TPP2: variants seen among roughly 807,000 people sequenced by gnomAD.
TPP2 encodes tripeptidyl-peptidase 2.
TPP2 carries 34 observed loss-of-function variants against 155.9 expected under a neutral mutation model. That is an observed-to-expected ratio of 0.22 (90% CI 0.17 to 0.29). The LOEUF (loss-of-function observed/expected upper bound fraction) is 0.29, where lower values mean the gene tolerates loss of function less well. TPP2 is among the 10% of genes least tolerant of loss of function. The probability of loss-of-function intolerance (pLI) is 1.00; values close to 1 mark genes in which losing one functional copy is unlikely to be tolerated. For missense variants in TPP2, 1,028 were observed against 1,522.3 expected, an observed-to-expected ratio of 0.68 and a Z score of 5.40; for synonymous variants, 510 against 529.4, an observed-to-expected ratio of 0.96 and a Z score of 0.50.
At chr13:102,669,989 C>T (rs1884864660) in intron 27 of TPP2, among the ~76,000 whole-genome samples, 1 of 152,114 alleles carries the variant, frequency 6.6e-6, no homozygotes, top group Admixed American at 6.6e-5. Flanking sequence ...GAGTCACTAA[C>T]CATATTGATT....
chr13:102,678,368 G>A lies in TPP2; in HGVS notation c.*52G>A, dbSNP rs3806. On this transcript the variant is annotated 3_prime_UTR_variant, in exon 30 of 30. Coordinates refer to ENST00000376052, the MANE Select transcript of TPP2 (RefSeq NM_001330588.2). ...AAAAAGGAAGTTTTATAGTGAATGGGTATAAAAACAAATTTGTGGCATTTT... is the reference window on the plus strand; with the variant it reads ...AAAAAGGAAGTTTTATAGTGAATGGATATAAAAACAAATTTGTGGCATTTT... 0.48 allele frequency: 733,589 copies of A among 1,541,204 alleles called. 176,115 individuals are homozygous for A. Among genetic ancestry groups the A allele is most frequent in the African/African-American group, 0.6 (43,636 of 72,522 alleles).
At chr13:102,647,586 C>G (rs1358580104) in intron 21 of TPP2, among the ~76,000 whole-genome samples, 1 of 152,194 alleles carries the variant, frequency 6.6e-6, no homozygotes, top group Non-Finnish European at 1.5e-5. Context: ...CTTGCCCACA[C>G]TGGCCAGCAT....
chr13:102,650,469 A>C (rs1395537148), intron 23 of TPP2, among the ~76,000 whole-genome samples: 2 of 152,216 alleles, frequency 1.3e-5, no homozygotes. Context: ...GTCTCATTTC[A>C]GTTTATACTG....
At chr13:102,636,146 C>A in intron 12 of TPP2, 78 bp from the exon 13 acceptor site, 1 of 1,402,648 alleles carries the variant, frequency 7.1e-7, no homozygotes, top group Non-Finnish European at 9.6e-7. Flanking sequence ...CAACTGAAAT[C>A]AAATTGATTG....
At chr13:102,636,148 AATTG>A in intron 12 of TPP2, 72 bp from the exon 13 acceptor site, 8 of 1,416,500 alleles carry the variant, frequency 5.6e-6, no homozygotes, top group Admixed American at 2.5e-5. Context: ...ACTGAAATCA[AATTG>A]ATTGGTAATT....
chr13:102,604,388 A>G (rs748797962), intron 1 of TPP2, among the ~76,000 whole-genome samples: 2 of 151,934 alleles, frequency 1.3e-5, no homozygotes, highest in African/African-American at 2.4e-5. Context: ...ACCATCTGAC[A>G]TGTTCTTTTT....
chr13:102,615,641 A>G (rs939849859), intron 3 of TPP2, among the ~76,000 whole-genome samples: 2 of 152,188 alleles, frequency 1.3e-5, no homozygotes, highest in Admixed American at 1.3e-4. Context: ...GATGGAAAAA[A>G]AAATAGGGAG....
At chr13:102,647,475 T>G (rs1883190061) in intron 21 of TPP2, 131 bp downstream of exon 21, 3 of 1,159,046 alleles carry the variant, frequency 2.6e-6, no homozygotes, top group Non-Finnish European at 3.5e-6. Context: ...TTAGTACTTT[T>G]GCAAACTGTG....
chr13:102,609,459 G>A (rs573053280), intron 2 of TPP2, among the ~76,000 whole-genome samples: 24 of 142,914 alleles, frequency 1.7e-4, no homozygotes, highest in Middle Eastern at 4.0e-3. Flanking sequence ...GTGCAATGGC[G>A]CGATCTCAAC....
intron 19 of TPP2, among the ~76,000 whole-genome samples, chr13:102,645,239 A>T (rs1296781135): frequency 1.3e-5 from 2 of 152,210 alleles, no homozygotes; most frequent in Non-Finnish European, 2.9e-5. Context: ...AGTCATGACT[A>T]GTTAGGATCA....
At chr13:102,604,693 T>C (rs1320226614) in intron 1 of TPP2, 100 bp from the exon 2 acceptor site, 3 of 1,326,042 alleles carry the variant, frequency 2.3e-6, no homozygotes, top group Admixed American at 2.8e-5. Flanking sequence ...TAAGTGAATG[T>C]AGATTTTGTA....
At chr13:102,624,748 T>A (rs1881441980) in intron 6 of TPP2, among the ~76,000 whole-genome samples, 1 of 152,172 alleles carries the variant, frequency 6.6e-6, no homozygotes, top group African/African-American at 2.4e-5. Context: ...GATGGACGTT[T>A]AGATTGTTTT....
At chr13:102,659,602 T>C (rs1347132829) in intron 25 of TPP2, among the ~76,000 whole-genome samples, 1 of 152,138 alleles carries the variant, frequency 6.6e-6, no homozygotes, top group East Asian at 1.9e-4. Flanking sequence ...TAATCCTATA[T>C]CCAGCAAAAC....
At chr13:102,673,097 C>T (rs1275647735) in intron 27 of TPP2, among the ~76,000 whole-genome samples, 2 of 152,156 alleles carry the variant, frequency 1.3e-5, no homozygotes, top group East Asian at 1.9e-4. Flanking sequence ...GAGAATACCC[C>T]GGTCTTGGGC....
At chr13:102,606,518 A>G (rs1312321711) in intron 2 of TPP2, among the ~76,000 whole-genome samples, 1 of 152,200 alleles carries the variant, frequency 6.6e-6, no homozygotes, top group African/African-American at 2.4e-5. Context: ...TTGCAGCTGT[A>G]AAACTCATGA....
At chr13:102,601,079 A>G (rs764212885) in intron 1 of TPP2, among the ~76,000 whole-genome samples, 7 of 152,036 alleles carry the variant, frequency 4.6e-5, no homozygotes, top group Non-Finnish European at 1.0e-4. Flanking sequence ...TTTTGTAGAG[A>G]CAGGGTCTCA....
At chr13:102,638,904 C>T (rs1882568533) in intron 15 of TPP2, among the ~76,000 whole-genome samples, 1 of 152,216 alleles carries the variant, frequency 6.6e-6, no homozygotes. Flanking sequence ...AATTATAGCC[C>T]TAGCCAGTGT....
intron 2 of TPP2, chr13:102,607,690 G>T (rs1166133620): frequency 6.7e-6 from 3 of 446,824 alleles, no homozygotes; most frequent in Non-Finnish European, 1.3e-5. Flanking sequence ...GTATTCAAGT[G>T]ATTCTTCTGC....
chr13:102,601,960 A>G (rs769311141), intron 1 of TPP2, among the ~76,000 whole-genome samples: 2 of 152,232 alleles, frequency 1.3e-5, no homozygotes, highest in Non-Finnish European at 2.9e-5. Flanking sequence ...CAAATAAGCC[A>G]TTAAATCCCA....
Sources: gnomAD v4.1 joint callset for allele counts (sites outside exome capture counted in the v4.1 genomes callset) on GRCh38, gnomAD v4.1.1 for gene constraint, MANE v1.5 for transcripts, NCBI Gene and HGNC (gene_info 2026-07-23, HGNC 2026-07-21) for gene names.